Variants in VAPB observed in about 807,000 individuals in gnomAD.
VAPB encodes vesicle-associated membrane protein-associated protein B/C.
A neutral mutation model predicts 25.6 loss-of-function variants in VAPB; 7 were observed. That is an observed-to-expected ratio of 0.27 (90% CI 0.16 to 0.51). The LOEUF (loss-of-function observed/expected upper bound fraction) is 0.51. VAPB is among the 20% of genes least tolerant of loss of function. The probability of loss-of-function intolerance (pLI) is 0.97; values close to 1 mark genes in which losing one functional copy is unlikely to be tolerated. For missense variants in VAPB, 266 were observed against 301.3 expected, an observed-to-expected ratio of 0.88 and a Z score of 0.87; for synonymous variants, 112 against 109.2, an observed-to-expected ratio of 1.03 and a Z score of -0.16.
Position 58,444,633 on chromosome 20 carries a change from T to A in VAPB, c.*398T>A, listed in dbSNP as rs1490508975. 1 of 455,090 alleles carries A rather than the reference T, an allele frequency of 2.2e-6. No individual in the cohort carries two copies. Among genetic ancestry groups the A allele is most frequent in the South Asian group, 1.6e-5 (1 of 64,494 alleles). 28.2% of individuals were successfully genotyped at this position (455,090 alleles called of 1,614,324 possible). On this transcript the variant is annotated 3_prime_UTR_variant, in exon 6 of 6. Coordinates refer to ENST00000475243, the MANE Select transcript of VAPB (RefSeq NM_004738.5). ...GCCCTTGGGGAGCTGGAGCCCAGCA[T>A]GCTGGGGAGTGCGGTCAGCTCCACA...
intron 1 of VAPB, among the ~76,000 whole-genome samples, chr20:58,403,815 G>T (rs540912211): frequency 5.3e-5 from 8 of 152,298 alleles, no homozygotes; most frequent in Admixed American, 5.2e-4. Flanking sequence ...AACTCAGCAT[G>T]TTCCACACTG....
Position 58,389,485 on chromosome 20 carries a change from G to A in VAPB, c.26G>A (p.Ser9Asn). The A allele has an allele frequency of 1.9e-6, 3 of 1,595,084 alleles. No individual in the cohort carries two copies. The highest frequency in any genetic ancestry group is 4.6e-5 in the East Asian group (2 of 43,924). ...ATGGCGAAGGTGGAGCAGGTCCTGA[G>A]CCTCGAGCCGCAGCACGAGCTCAAA... MAKVEQVL[S>N]LEPQHELKFR... Residue 9 changes from serine (S) to asparagine (N), a missense_variant, in exon 1 of 6, where the codon AGC (serine) becomes AAC (asparagine). This residue lies in a region of VAPB where 32 missense variants were observed against 23.5 expected (regional missense o/e 1.36). Transcript: ENST00000475243.
In VAPB at chr20:58,443,398, G is replaced by GTTTTT. The variant is rs397773897; in HGVS notation, c.574-662_574-658dup. Among the ~76,000 whole-genome samples the GTTTTT allele has an allele frequency of 2.3e-3, 260 of 112,780 alleles. 4 individuals carry two copies. Among genetic ancestry groups the GTTTTT allele is most frequent in the Non-Finnish European group, 3.4e-3 (196 of 58,390 alleles). The allele number at this position is 112,780 out of a possible 152,430, so 74.0% of individuals were successfully genotyped here. On this transcript the variant is annotated intron_variant, in intron 5 of 5. Transcript: ENST00000475243. ...AAGCTTCCAGATGTCCCACTTTTAG[G>GTTTTT]TTTTTTTTTTTTTTTTTTTTTAATA...
chr20:58,395,777 A>G (rs1298838006), intron 1 of VAPB, among the ~76,000 whole-genome samples: 15 of 152,186 alleles, frequency 9.9e-5, no homozygotes. Flanking sequence ...GGCCTTGCTC[A>G]GTGGGTATGT....
At chr20:58,441,369 C>A (rs767816609) in intron 5 of VAPB, among the ~76,000 whole-genome samples, 1 of 151,968 alleles carries the variant, frequency 6.6e-6, no homozygotes, top group East Asian at 1.9e-4. Context: ...TGGCCGGGTG[C>A]GGTGGCTCAC....
At chr20:58,443,429 T>G (rs1372760528) in intron 5 of VAPB, among the ~76,000 whole-genome samples, 1 of 133,676 alleles carries the variant, frequency 7.5e-6, no homozygotes, top group Non-Finnish European at 1.6e-5. Context: ...TAATATGGAG[T>G]CTCACTCTGT....
chr20:58,414,942 A>G (rs935138889), intron 1 of VAPB, among the ~76,000 whole-genome samples: 2 of 152,382 alleles, frequency 1.3e-5, no homozygotes, highest in African/African-American at 4.8e-5. Context: ...ACCACCGAGC[A>G]CTGAGTGAAC....
At chr20:58,414,086 G>A (rs1164644846) in intron 1 of VAPB, among the ~76,000 whole-genome samples, 2 of 86,534 alleles carry the variant, frequency 2.3e-5, no homozygotes, top group Non-Finnish European at 5.0e-5. Context: ...AGGCAGAGGC[G>A]CCCCTCACCT....
chr20:58,418,170 TC>T (rs1350444730), intron 1 of VAPB, 40 bp from the exon 2 acceptor site: 2 of 1,613,600 alleles, frequency 1.2e-6, no homozygotes, highest in Non-Finnish European at 1.7e-6. Flanking sequence ...TTCTAAACTT[TC>T]CTCATGAGAC....
In VAPB at chr20:58,389,240, G is replaced by A. The variant is rs1453037713; in HGVS notation, c.-220G>A. 5 of 651,710 alleles carry A rather than the reference G, an allele frequency of 7.7e-6. No individual in the cohort carries two copies. The highest frequency in any genetic ancestry group is 7.5e-5 in the African/African-American group (4 of 53,240). 40.4% of individuals were successfully genotyped at this position (651,710 alleles called of 1,614,324 possible). A position where few individuals can be genotyped will look rare whatever the true frequency, so the allele number is the denominator to read the frequency against. ...GTGCGTGCGTGCGTGCGTGCCGTCA[G>A]CTCGCCGGGCACCGCGGCCTCGCCC... On this transcript the variant is annotated 5_prime_UTR_variant, in exon 1 of 6. Coordinates refer to ENST00000475243, the MANE Select transcript of VAPB (RefSeq NM_004738.5).
intron 3 of VAPB, among the ~76,000 whole-genome samples, chr20:58,438,453 T>C (rs1192375440): frequency 6.6e-6 from 1 of 152,116 alleles, no homozygotes; most frequent in East Asian, 1.9e-4. Context: ...AATTTTTTAA[T>C]TTTTTTGTAG....
Position 58,450,707 on chromosome 20 carries a change from A to T in VAPB, c.*6472A>T, listed in dbSNP as rs765391068. ...CACAGTTTCTGATGTGTGTGTTTAT[A>T]GTCTTCAATGTATGTTAACATGTTA... On this transcript the variant is annotated 3_prime_UTR_variant, in exon 6 of 6. Transcript: ENST00000475243. 1 of 453,986 alleles carries T rather than the reference A, an allele frequency of 2.2e-6. No homozygotes were observed. Among genetic ancestry groups the T allele is most frequent in the South Asian group, 1.6e-5 (1 of 64,462 alleles). The allele number at this position is 453,986 out of a possible 1,614,324, so 28.1% of individuals were successfully genotyped here. A position where few individuals can be genotyped will look rare whatever the true frequency, so the allele number is the denominator to read the frequency against.
chr20:58,444,451 T>G lies in VAPB; in HGVS notation c.*216T>G. ...AAGTTAAAAATGTATAGTAACTGAT[T>G]GAGGGGGAAAAGAATGATCTTTATT... On this transcript the variant is annotated 3_prime_UTR_variant, in exon 6 of 6. Coordinates refer to ENST00000475243, the MANE Select transcript of VAPB (RefSeq NM_004738.5). The G allele has an allele frequency of 2.8e-6, 2 of 704,690 alleles. No homozygotes were observed. The highest frequency in any genetic ancestry group is 5.1e-6 in the Non-Finnish European group (2 of 395,826). The allele number at this position is 704,690 out of a possible 1,614,324, so 43.7% of individuals were successfully genotyped here. A position where few individuals can be genotyped will look rare whatever the true frequency, so the allele number is the denominator to read the frequency against.
At chr20:58,405,742 CTTTTTTTT>C (rs71181964) in intron 1 of VAPB, among the ~76,000 whole-genome samples, 10 of 43,454 alleles carry the variant, frequency 2.3e-4, no homozygotes, top group African/African-American at 3.0e-4. Context: ...GGCCAGGAGC[CTTTTTTTT>C]TTTTTTTTTT....
chr20:58,405,742 CTTTTTTTTTTTTTT>C (rs71181964), intron 1 of VAPB, among the ~76,000 whole-genome samples: 1 of 43,454 alleles, frequency 2.3e-5, no homozygotes, highest in African/African-American at 1.0e-4. Flanking sequence ...GGCCAGGAGC[CTTTTTTTTTTTTTT>C]TTTTTTTTTT....
rs189047858 is a variant in VAPB at position 58,407,632 on chromosome 20, C to T, written c.59-10579C>T. ...TTTATGGCATGTCTGTACTCCATAT[C>T]TGCTGATTCATACGCCCTCCTTTTT... On this transcript the variant is annotated intron_variant, in intron 1 of 5. Coordinates refer to ENST00000475243, the MANE Select transcript of VAPB (RefSeq NM_004738.5). 3.1e-3 allele frequency among the ~76,000 whole-genome samples: 472 copies of T among 151,768 alleles called. 3 individuals carry two copies. Among genetic ancestry groups the T allele is most frequent in the African/African-American group, 0.01 (422 of 41,402 alleles).
At chr20:58,410,038 C>T (rs1283168134) in intron 1 of VAPB, among the ~76,000 whole-genome samples, 1 of 151,852 alleles carries the variant, frequency 6.6e-6, no homozygotes, top group Non-Finnish European at 1.5e-5. Context: ...ATGCTTTTTC[C>T]CCTTCCTTTT....
chr20:58,414,156 G>T (rs1988461929), intron 1 of VAPB, among the ~76,000 whole-genome samples: 3 of 130,202 alleles, frequency 2.3e-5, no homozygotes, highest in Admixed American at 2.1e-4. Flanking sequence ...CCCGGACGGG[G>T]CGGCTGGCCG....
At position 58,447,432 on chromosome 20, in the gene VAPB, C is replaced by T; in HGVS notation, c.*3197C>T. The T allele has an allele frequency of 2.2e-6, 1 of 454,022 alleles. No homozygotes were observed. The highest frequency in any genetic ancestry group is 4.4e-6 in the Non-Finnish European group (1 of 226,782). 28.1% of individuals were successfully genotyped at this position (454,022 alleles called of 1,614,324 possible). ...ATTTTTACCAGTGGCCAGTTTATGGCTAGAGAGACGACTTATACCTCCATA... is the reference window on the plus strand; with the variant it reads ...ATTTTTACCAGTGGCCAGTTTATGGTTAGAGAGACGACTTATACCTCCATA... On this transcript the variant is annotated 3_prime_UTR_variant, in exon 6 of 6. Transcript: ENST00000475243.
Sources: allele counts gnomAD v4.1 joint callset (sites outside exome capture counted in the v4.1 genomes callset), GRCh38; gene constraint gnomAD v4.1.1; regional missense constraint gnomAD v4.1.1; transcripts MANE v1.5; gene names NCBI Gene and HGNC (gene_info 2026-07-23, HGNC 2026-07-21).